Variants in MYO9B observed in about 807,000 individuals in gnomAD.
MYO9B encodes the protein myosin IXB, also known as unconventional myosin-IXb.
A neutral mutation model predicts 229.5 loss-of-function variants in MYO9B; 71 were observed. That is an observed-to-expected ratio of 0.31 (90% CI 0.26 to 0.38). The LOEUF is 0.38. Ranked by LOEUF, MYO9B falls within the 10% of genes least tolerant of loss-of-function variation. The pLI is 1.00. For synonymous variants in MYO9B, 1,185 were observed against 1,235.8 expected (o/e 0.96, Z 0.86); for missense variants, 2,255 against 2,920.5 (o/e 0.77, Z 5.25).
Position 17,192,908 on chromosome 19 carries a change from TC to T in MYO9B, c.2976del (p.Tyr993ThrfsTer55). 1 of 1,549,990 alleles carries T rather than the reference TC, an allele frequency of 6.5e-7. No homozygotes were observed. The highest frequency in any genetic ancestry group is 8.7e-7 in the Non-Finnish European group (1 of 1,146,974). ...CGTCACCATCCAGGCCTGCTGGCGG[TC>T]CTACCGGGTCCGGAGGGCGCTGGAG... is the stretch of plus-strand genomic sequence containing the variant. Reference protein sequence around the residue: ...AAVTIQACWRSYRVRRALERT... With the variant: ...AAVTIQACWRXYRVRRALERT... On this transcript the variant is annotated frameshift_variant, in exon 21 of 40. Transcript: ENST00000682292. LOFTEE classifies it high-confidence loss of function.
chr19:17,151,178 T>C (rs890675998), intron 3 of MYO9B, among the ~76,000 whole-genome samples: 1 of 151,648 alleles, frequency 6.6e-6, no homozygotes, highest in African/African-American at 2.4e-5. Flanking sequence ...ACTGGAAGGC[T>C]GAGGCAGGAG....
Position 17,163,565 on chromosome 19 carries a change from G to T in MYO9B, c.1671+443G>T, listed in dbSNP as rs138053355. ...GTATTTTTTGTAGAGACAAGGTTTT[G>T]CCATGTTGCTCAGGCTAGTCTCGAA... On this transcript the variant is annotated intron_variant, in intron 10 of 39. Transcript: ENST00000682292. 9.2e-3 allele frequency among the ~76,000 whole-genome samples: 1,391 copies of T among 151,930 alleles called. 13 individuals are homozygous for T. Among genetic ancestry groups the T allele is most frequent in the African/African-American group, 0.026 (1,093 of 41,428 alleles).
rs1258512727 is a variant in MYO9B at position 17,162,332 on chromosome 19, C to A, written c.1420-18C>A. 25 of 1,551,856 alleles carry A rather than the reference C, an allele frequency of 1.6e-5. No homozygotes were observed. Among genetic ancestry groups the A allele is most frequent in the Non-Finnish European group, 2.1e-5 (24 of 1,148,768 alleles). On this transcript the variant is annotated intron_variant, in intron 8 of 39. Coordinates refer to ENST00000682292, the MANE Select transcript of MYO9B (RefSeq NM_004145.4). ...GGCCTGCCGTGCCGGAGGTGAGTCA[C>A]CCCCTCTGTGTCCACAGGCCATCAC...
Position 17,192,726 on chromosome 19 carries a change from C to T in MYO9B, c.2812-20C>T. 3 of 1,506,046 alleles carry T rather than the reference C, an allele frequency of 2.0e-6. No individual in the cohort carries two copies. Among genetic ancestry groups the T allele is most frequent in the South Asian group, 1.3e-5 (1 of 76,860 alleles). The allele number at this position is 1,506,046 out of a possible 1,614,324, so 93.3% of individuals were successfully genotyped here. A position where few individuals can be genotyped will look rare whatever the true frequency, so the allele number is the denominator to read the frequency against. ...GTCAGGGGCAGTGCAGCTGACCCCA[C>T]CTGACCCCGTGCCCACCAGGTCTTC... On this transcript the variant is annotated intron_variant, in intron 20 of 39. Transcript: ENST00000682292.
chr19:17,105,089 A>G (rs1366198540), intron 2 of MYO9B, among the ~76,000 whole-genome samples: 2 of 151,828 alleles, frequency 1.3e-5, no homozygotes, highest in Admixed American at 6.6e-5. Flanking sequence ...AGCTCTTCTC[A>G]CTGCCTCCAC....
chr19:17,200,469 G>T, intron 25 of MYO9B, 43 bp downstream of exon 25: 1 of 1,543,010 alleles, frequency 6.5e-7, no homozygotes, highest in Non-Finnish European at 8.7e-7. Context: ...AGAGCCACCA[G>T]TGCCCCTGGG....
At chr19:17,180,831 G>A in intron 14 of MYO9B, 96 bp from the exon 15 acceptor site, 1 of 744,970 alleles carries the variant, frequency 1.3e-6, no homozygotes, top group Non-Finnish European at 2.2e-6. Flanking sequence ...AGTGGCCTGG[G>A]GATGGTCCCA....
chr19:17,196,151 T>TGGGG (rs2073040321), intron 22 of MYO9B, among the ~76,000 whole-genome samples: 8 of 12,668 alleles, frequency 6.3e-4, no homozygotes, highest in Admixed American at 1.1e-3. Flanking sequence ...TGTGGGTGGG[T>TGGGG]GGGTGGGTGG....
rs1226135822 is a variant in MYO9B, at chr19:17,200,630, C to T, written c.4373-9C>T. The T allele has an allele frequency of 1.2e-6, 2 of 1,606,914 alleles. No individual in the cohort carries two copies. The highest frequency in any genetic ancestry group is 1.7e-6 in the Non-Finnish European group (2 of 1,176,398). On this transcript the variant is annotated splice_polypyrimidine_tract_variant and intron_variant, in intron 25 of 39. Coordinates refer to ENST00000682292, the MANE Select transcript of MYO9B (RefSeq NM_004145.4). ...CCACCCTCACCGGCTGCTTCCTGTC[C>T]CCCCTCAGCCCCCTCCGGACAGCAG... is the stretch of plus-strand genomic sequence containing the variant.
At chr19:17,168,671 C>G (rs889758600) in intron 11 of MYO9B, among the ~76,000 whole-genome samples, 14 of 152,230 alleles carry the variant, frequency 9.2e-5, no homozygotes, top group Non-Finnish European at 1.5e-4. Context: ...GTGGGGCATA[C>G]CTGTGGCCCC....
chr19:17,178,831 C>G (rs1435273687), intron 14 of MYO9B, among the ~76,000 whole-genome samples: 1 of 151,916 alleles, frequency 6.6e-6, no homozygotes, highest in African/African-American at 2.4e-5. Flanking sequence ...GATGGGAATT[C>G]AAGACCAGCC....
chr19:17,099,584 A>G (rs1047832904), intron 1 of MYO9B, among the ~76,000 whole-genome samples: 4 of 151,860 alleles, frequency 2.6e-5, no homozygotes, highest in African/African-American at 9.7e-5. Context: ...GGAAGCCCGA[A>G]GCGGGTGGAT....
At chr19:17,082,786 C>G (rs1312677773) in intron 1 of MYO9B, among the ~76,000 whole-genome samples, 1 of 152,094 alleles carries the variant, frequency 6.6e-6, no homozygotes, top group African/African-American at 2.4e-5. Context: ...TGGTTCCTTT[C>G]CCCTGGGTGG....
intron 15 of MYO9B, 89 bp from the exon 16 acceptor site, chr19:17,183,740 C>T: frequency 2.6e-6 from 3 of 1,171,924 alleles, no homozygotes; most frequent in Non-Finnish European, 2.4e-6. Flanking sequence ...GTCTCTCAGT[C>T]TAACCCGCCA....
At chr19:17,181,205 C>T (rs7259292) in intron 15 of MYO9B, among the ~76,000 whole-genome samples, 165 bp downstream of exon 15, 11,355 of 152,280 alleles carry the variant, frequency 0.075, 808 homozygotes, top group African/African-American at 0.19. Flanking sequence ...TCAATAACAC[C>T]CCTGGCCTCT....
intron 19 of MYO9B, among the ~76,000 whole-genome samples, chr19:17,190,628 A>AC (rs1283077853): frequency 9.2e-6 from 1 of 108,424 alleles, no homozygotes; most frequent in Non-Finnish European, 1.8e-5. Context: ...ACAAAGTGAG[A>AC]CCCCGTCTCA....
chr19:17,162,168 A>G (rs1472944837), intron 8 of MYO9B, among the ~76,000 whole-genome samples, 182 bp from the exon 9 acceptor site: 3 of 151,824 alleles, frequency 2.0e-5, no homozygotes, highest in Non-Finnish European at 2.9e-5. Context: ...AGCCAGGTAT[A>G]GTGGCGCTTG....
intron 2 of MYO9B, among the ~76,000 whole-genome samples, chr19:17,125,572 T>C (rs1489739548): frequency 6.6e-6 from 1 of 152,142 alleles, no homozygotes; most frequent in African/African-American, 2.4e-5. Context: ...TGTGAGACTT[T>C]AGCTCATGGT....
chr19:17,179,898 C>A (rs2072836491), intron 14 of MYO9B, among the ~76,000 whole-genome samples: 1 of 147,120 alleles, frequency 6.8e-6, no homozygotes, highest in African/African-American at 2.6e-5. Context: ...GACACTGTTT[C>A]CAAAAAAAAA....
Sources: gnomAD v4.1 joint callset for allele counts (sites outside exome capture counted in the v4.1 genomes callset) on GRCh38, gnomAD v4.1.1 for gene constraint, MANE v1.5 for transcripts, NCBI Gene and HGNC (gene_info 2026-07-23, HGNC 2026-07-21) for gene names.